The following SLC15A5 variants were observed in gnomAD, a reference collection of about 807,000 sequenced individuals.
The protein encoded by SLC15A5 is Peptide/histidine transporter ENSP00000340402.
In SLC15A5, 58 loss-of-function variants were observed where a neutral mutation model predicts 56.1. The ratio of observed to expected loss-of-function variants is 1.03; its 90% CI spans 0.84 to 1.29. The LOEUF is 1.29. Among genes scored for constraint, SLC15A5 ranks in the 50% most tolerant of loss-of-function variants. The probability of loss-of-function intolerance (pLI) is 0.00; values close to 1 mark genes in which losing one functional copy is unlikely to be tolerated. For missense variants in SLC15A5, 681 were observed against 672.1 expected, an observed-to-expected ratio of 1.01 and a Z score of -0.15; for synonymous variants, 264 against 250.5, an observed-to-expected ratio of 1.05 and a Z score of -0.51.
Position 16,272,608 on chromosome 12 carries a change from A to C in SLC15A5, c.537T>G (p.Phe179Leu), listed in dbSNP as rs770112166. The change falls in exon 2 of 9, where the codon TTT becomes TTG. Residue 179 changes from phenylalanine to leucine, a missense_variant. Phe to Leu is a conservative substitution (Grantham distance 22). Transcript: ENST00000344941. Reference protein sequence around the residue: ...VRAIVCPLGAFGLQEYGSQKT... With the variant: ...VRAIVCPLGALGLQEYGSQKT... ...TTTGTGATCCATACTCCTGAAGGCCAAAAGCACCCAGTGGACAGACGATGG... is the reference window on the plus strand; with the variant it reads ...TTTGTGATCCATACTCCTGAAGGCCCAAAGCACCCAGTGGACAGACGATGG... The C allele has an allele frequency of 2.0e-6, 3 of 1,536,992 alleles. No homozygotes were observed. The highest frequency in any genetic ancestry group is 2.6e-6 in the Non-Finnish European group (3 of 1,146,668).
intron 7 of SLC15A5, among the ~76,000 whole-genome samples, chr12:16,209,474 C>T (rs779459980): frequency 5.9e-5 from 9 of 152,048 alleles, no homozygotes; most frequent in Non-Finnish European, 1.3e-4. Flanking sequence ...CATAGAGTTT[C>T]ATAGTTATAT....
chr12:16,249,701 T>A (rs1034641392), intron 3 of SLC15A5, among the ~76,000 whole-genome samples: 3 of 152,108 alleles, frequency 2.0e-5, no homozygotes, highest in African/African-American at 7.2e-5. Flanking sequence ...CAGATGAATG[T>A]ATATTCAAAT....
intron 2 of SLC15A5, among the ~76,000 whole-genome samples, chr12:16,266,351 A>C (rs1864696281): frequency 6.6e-6 from 1 of 152,240 alleles, no homozygotes; most frequent in African/African-American, 2.4e-5. Context: ...GTGACTCTTC[A>C]GTATACCACA....
At chr12:16,266,650 A>G (rs915682269) in intron 2 of SLC15A5, among the ~76,000 whole-genome samples, 6 of 152,322 alleles carry the variant, frequency 3.9e-5, no homozygotes, top group Admixed American at 3.3e-4. Flanking sequence ...TTGTATATGT[A>G]TCATCTATAA....
At chr12:16,203,504 T>C (rs1228265484) in intron 7 of SLC15A5, among the ~76,000 whole-genome samples, 1 of 152,158 alleles carries the variant, frequency 6.6e-6, no homozygotes, top group African/African-American at 2.4e-5. Context: ...TCTTAATAGC[T>C]ACTTAAGAAA....
At chr12:16,216,808 A>T (rs1259677390) in intron 7 of SLC15A5, 85 bp downstream of exon 7, 14 of 1,243,982 alleles carry the variant, frequency 1.1e-5, no homozygotes, top group Non-Finnish European at 1.5e-5. Context: ...GACTGCACTG[A>T]CAAAGCCCCT....
intron 6 of SLC15A5, 53 bp from the exon 7 acceptor site, chr12:16,217,077 A>T (rs942066543): frequency 6.8e-7 from 1 of 1,477,450 alleles, no homozygotes; most frequent in African/African-American, 1.4e-5. Flanking sequence ...AAATGCTTTC[A>T]TAGAGACTGT....
Position 16,244,573 on chromosome 12 carries a change from T to G in SLC15A5, c.975+7A>C. 1 of 1,536,962 alleles carries G rather than the reference T, an allele frequency of 6.5e-7. No homozygotes were observed. On this transcript the variant is annotated splice_region_variant and intron_variant, in intron 4 of 8. Transcript: ENST00000344941. ...TTGTTGGGGTAGTACTCATCGCCTG[T>G]CCTTACCTGCATAATGCACATTCTG...
In SLC15A5 at chr12:16,231,492, C is replaced by T. The variant is rs1426253406; in HGVS notation, c.1163-6890G>A. ...ACTGAAGAAGCATGACCCTAATCCT[C>T]CTAATCCCCTGAGGAATCATTTAGA... On this transcript the variant is annotated intron_variant, in intron 5 of 8. Coordinates refer to ENST00000344941, the MANE Select transcript of SLC15A5 (RefSeq NM_001170798.1). 2.0e-5 allele frequency among the ~76,000 whole-genome samples: 3 copies of T among 152,186 alleles called. 1 individual carries two copies. The highest frequency in any genetic ancestry group is 4.1e-4 in the South Asian group (2 of 4,834).
chr12:16,248,687 A>AG (rs1314679730), intron 3 of SLC15A5, among the ~76,000 whole-genome samples: 5 of 152,252 alleles, frequency 3.3e-5, no homozygotes, highest in African/African-American at 1.2e-4. Context: ...CCTTGGATTA[A>AG]TCCATTAGAC....
rs1863817673 is a variant in SLC15A5, at chr12:16,189,345, G to A, written c.*323C>T. 5.8e-6 allele frequency: 1 copy of A among 171,754 alleles called. No individual in the cohort carries two copies. The highest frequency in any genetic ancestry group is 2.0e-4 in the South Asian group (1 of 5,062). 10.6% of individuals were successfully genotyped at this position (171,754 alleles called of 1,614,324 possible). On this transcript the variant is annotated 3_prime_UTR_variant, in exon 9 of 9. Transcript: ENST00000344941. Reference sequence around the variant, plus strand: ...GACTCATTAAAACTCCAAAAAAAAGGTCATACGCTTTCAATGGCTGAACCA... The same window carrying A: ...GACTCATTAAAACTCCAAAAAAAAGATCATACGCTTTCAATGGCTGAACCA...
rs189906525 is a variant in SLC15A5, at chr12:16,214,579, A to G, written c.1483+2314T>C. 5.5e-4 allele frequency among the ~76,000 whole-genome samples: 84 copies of G among 152,278 alleles called. No homozygotes were observed. The East Asian group carries it at 0.016, about 29-fold the overall frequency. ...ATTCAATCAATGGTGCCTATGTGGT[A>G]AAGTCTCAACAGAAACACTGGGCAC... On this transcript the variant is annotated intron_variant, in intron 7 of 8. Coordinates refer to ENST00000344941, the MANE Select transcript of SLC15A5 (RefSeq NM_001170798.1).
chr12:16,203,642 A>G (rs1208496237), intron 7 of SLC15A5, among the ~76,000 whole-genome samples: 1 of 152,198 alleles, frequency 6.6e-6, no homozygotes, highest in Non-Finnish European at 1.5e-5. Context: ...AAAATAAGAT[A>G]TCCTCATTAA....
intron 5 of SLC15A5, among the ~76,000 whole-genome samples, chr12:16,232,337 T>C (rs780304404): frequency 6.6e-6 from 1 of 152,102 alleles, no homozygotes; most frequent in African/African-American, 2.4e-5. Context: ...AACACATTTA[T>C]AGATTTGAAG....
At chr12:16,274,721 G>T (rs185873394) in intron 1 of SLC15A5, among the ~76,000 whole-genome samples, 4 of 152,042 alleles carry the variant, frequency 2.6e-5, no homozygotes, top group African/African-American at 7.2e-5. Flanking sequence ...CTAGACAAAG[G>T]GATGTCCAAA....
chr12:16,206,817 A>C (rs1409309017), intron 7 of SLC15A5, among the ~76,000 whole-genome samples: 1 of 152,204 alleles, frequency 6.6e-6, no homozygotes, highest in Admixed American at 6.5e-5. Context: ...GTGTCTTTCA[A>C]AATTGTAGGG....
chr12:16,234,014 G>A (rs1364065417), intron 5 of SLC15A5, among the ~76,000 whole-genome samples: 1 of 152,162 alleles, frequency 6.6e-6, no homozygotes, highest in African/African-American at 2.4e-5. Flanking sequence ...AAAAAAGTGT[G>A]AGACTGAGTA....
chr12:16,244,361 A>G (rs1334974519), intron 4 of SLC15A5, among the ~76,000 whole-genome samples: 1 of 152,192 alleles, frequency 6.6e-6, no homozygotes, highest in Non-Finnish European at 1.5e-5. Flanking sequence ...TTATAGCTCC[A>G]CAAAAGAAAC....
chr12:16,191,564 C>T (rs764856687), intron 8 of SLC15A5, among the ~76,000 whole-genome samples: 8 of 152,040 alleles, frequency 5.3e-5, no homozygotes, highest in Admixed American at 1.3e-4. Flanking sequence ...TAATGTGTTT[C>T]AATAATGCTG....
Sources: allele counts gnomAD v4.1 joint callset (sites outside exome capture counted in the v4.1 genomes callset), GRCh38; gene constraint gnomAD v4.1.1; transcripts MANE v1.5; gene names NCBI Gene and HGNC (gene_info 2026-07-23, HGNC 2026-07-21).